TTC29: variants seen among roughly 807,000 people sequenced by gnomAD.
TTC29 encodes tetratricopeptide repeat protein 29.
A neutral mutation model predicts 58.1 loss-of-function variants in TTC29; 49 were observed. The observed-to-expected ratio is 0.84, with a 90% CI of 0.67 to 1.07. The LOEUF is 1.07. TTC29 is among the 50% of genes least tolerant of loss of function. The pLI is 0.00. For missense variants in TTC29, 582 were observed against 555.6 expected, an observed-to-expected ratio of 1.05 and a Z score of -0.48; for synonymous variants, 209 against 196.8, an observed-to-expected ratio of 1.06 and a Z score of -0.52.
At chr4:146,871,218 G>C (rs1051003944) in intron 7 of TTC29, among the ~76,000 whole-genome samples, 4 of 151,680 alleles carry the variant, frequency 2.6e-5, no homozygotes, top group African/African-American at 9.7e-5. Context: ...ATATTAATAG[G>C]ATAAAAGACA....
intron 4 of TTC29, among the ~76,000 whole-genome samples, chr4:146,925,509 C>G (rs1372688760): frequency 6.6e-6 from 1 of 151,948 alleles, no homozygotes; most frequent in African/African-American, 2.4e-5. Context: ...AATTTGTTTT[C>G]TCTCCTTCCT....
chr4:146,844,444 A>G (rs953954071), intron 8 of TTC29, among the ~76,000 whole-genome samples: 1 of 152,206 alleles, frequency 6.6e-6, no homozygotes, highest in African/African-American at 2.4e-5. Context: ...TAAATAAAAA[A>G]ATGTGGAATA....
chr4:146,779,004 G>GAAAAAAAAAAAA (rs71592470), intron 11 of TTC29, among the ~76,000 whole-genome samples: 1 of 79,898 alleles, frequency 1.3e-5, no homozygotes, highest in Non-Finnish European at 2.4e-5. Context: ...AAAAAAAAAA[G>GAAAAAAAAAAAA]AAAAGAAAAG....
intron 6 of TTC29, among the ~76,000 whole-genome samples, chr4:146,885,628 T>C (rs1731933147): frequency 6.6e-6 from 1 of 152,106 alleles, no homozygotes; most frequent in Admixed American, 6.6e-5. Flanking sequence ...TTTAACTATC[T>C]TAACATTTTT....
At chr4:146,923,348 C>A (rs868468896) in intron 4 of TTC29, among the ~76,000 whole-genome samples, 2 of 151,504 alleles carry the variant, frequency 1.3e-5, no homozygotes, top group Non-Finnish European at 3.0e-5. Flanking sequence ...CACTAACACA[C>A]AGAGAAGTCA....
chr4:146,817,159 A>G (rs917988629), intron 10 of TTC29, among the ~76,000 whole-genome samples: 7 of 152,246 alleles, frequency 4.6e-5, no homozygotes, highest in Non-Finnish European at 1.0e-4. Flanking sequence ...TTTGCAGACG[A>G]CATGATTGTA....
At chr4:146,789,540 G>T (rs1749275706) in intron 11 of TTC29, among the ~76,000 whole-genome samples, 1 of 152,044 alleles carries the variant, frequency 6.6e-6, no homozygotes, top group African/African-American at 2.4e-5. Context: ...TAAAATACTT[G>T]TTCATATTAG....
intron 6 of TTC29, among the ~76,000 whole-genome samples, chr4:146,887,803 A>G (rs761766952): frequency 2.6e-5 from 4 of 152,056 alleles, no homozygotes; most frequent in Non-Finnish European, 5.9e-5. Context: ...TTGGACATCA[A>G]TTTTTAGGGA....
chr4:146,848,946 C>A (rs1729347052), intron 8 of TTC29, among the ~76,000 whole-genome samples: 1 of 152,194 alleles, frequency 6.6e-6, no homozygotes, highest in Non-Finnish European at 1.5e-5. Context: ...AAGCACACAT[C>A]CCAAGGTGCA....
At chr4:146,750,808 A>AC (rs1393435003) in intron 11 of TTC29, among the ~76,000 whole-genome samples, 2 of 152,232 alleles carry the variant, frequency 1.3e-5, no homozygotes, top group African/African-American at 4.8e-5. Flanking sequence ...GATGAAAGGA[A>AC]CAAAGGACTT....
At chr4:146,789,288 C>T (rs1749261888) in intron 11 of TTC29, among the ~76,000 whole-genome samples, 1 of 152,108 alleles carries the variant, frequency 6.6e-6, no homozygotes, top group African/African-American at 2.4e-5. Flanking sequence ...CTGAAAAATT[C>T]AAGAAACTTA....
At chr4:146,775,145 C>T (rs1410827750) in intron 11 of TTC29, among the ~76,000 whole-genome samples, 1 of 152,132 alleles carries the variant, frequency 6.6e-6, no homozygotes, top group African/African-American at 2.4e-5. Flanking sequence ...GGTGTCATTG[C>T]ATGTGAGATG....
intron 10 of TTC29, among the ~76,000 whole-genome samples, chr4:146,805,049 A>G (rs1382178832): frequency 6.6e-6 from 1 of 151,772 alleles, no homozygotes; most frequent in African/African-American, 2.4e-5. Context: ...ACAGGCAGCA[A>G]TCTTTGCTGT....
At chr4:146,764,209 G>C (rs984156363) in intron 11 of TTC29, 1 of 152,110 alleles carries the variant, frequency 6.6e-6, no homozygotes, top group Non-Finnish European at 1.5e-5. Flanking sequence ...TTCAAGAGTG[G>C]TATAGGGGAG....
intron 10 of TTC29, among the ~76,000 whole-genome samples, chr4:146,806,200 C>G (rs1186732454): frequency 6.6e-6 from 1 of 152,132 alleles, no homozygotes; most frequent in East Asian, 1.9e-4. Context: ...ATTTTGTCAC[C>G]AACAGGCCTG....
chr4:146,922,389 G>C (rs901382791), intron 4 of TTC29, among the ~76,000 whole-genome samples: 1 of 151,600 alleles, frequency 6.6e-6, no homozygotes, highest in Non-Finnish European at 1.5e-5. Flanking sequence ...GAAAGAACTG[G>C]TTATGTGAAA....
At chr4:146,708,509 A>G (rs1459756932) in intron 11 of TTC29, among the ~76,000 whole-genome samples, 1 of 150,926 alleles carries the variant, frequency 6.6e-6, no homozygotes, top group Non-Finnish European at 1.5e-5. Context: ...GACTTCATTT[A>G]TCATATATTA....
At chr4:146,831,419 T>A (rs1295466622) in intron 9 of TTC29, among the ~76,000 whole-genome samples, 5 of 152,140 alleles carry the variant, frequency 3.3e-5, no homozygotes, top group African/African-American at 1.2e-4. Context: ...ATAAAAAGAA[T>A]TAGTTTACTT....
intron 11 of TTC29, among the ~76,000 whole-genome samples, chr4:146,742,114 T>G (rs1041798059): frequency 4.6e-5 from 7 of 152,186 alleles, no homozygotes; most frequent in Admixed American, 1.3e-4. Flanking sequence ...GACCCCAGAG[T>G]TGGCACTTTG....
Sources: gnomAD v4.1 joint callset for allele counts (sites outside exome capture counted in the v4.1 genomes callset) on GRCh38, gnomAD v4.1.1 for gene constraint, MANE v1.5 for transcripts, NCBI Gene and HGNC (gene_info 2026-07-23, HGNC 2026-07-21) for gene names.